SNF8: variants seen among roughly 807,000 people sequenced by gnomAD.
SNF8 encodes the protein vacuolar-sorting protein SNF8.
In SNF8, 19 loss-of-function variants were observed where a neutral mutation model predicts 36.8. The observed-to-expected ratio is 0.52, with a 90% CI of 0.36 to 0.76. The LOEUF (loss-of-function observed/expected upper bound fraction) is 0.76. Ranked by LOEUF, SNF8 falls within the 30% of genes least tolerant of loss-of-function variation. SNF8 has a pLI of 0.00. For synonymous variants in SNF8, 127 were observed against 127.4 expected (o/e 1.00, Z 0.02); for missense variants, 268 against 322.9 (o/e 0.83, Z 1.30).
chr17:48,941,188 T>C (rs2041018245), intron 2 of SNF8, 126 bp from the exon 3 acceptor site: 2 of 1,046,490 alleles, frequency 1.9e-6, no homozygotes, highest in African/African-American at 3.2e-5. Context: ...CCTACCATTA[T>C]GCTGTTTACC....
At chr17:48,944,058 C>T in intron 1 of SNF8, 83 bp from the exon 2 acceptor site, 7 of 1,316,914 alleles carry the variant, frequency 5.3e-6, no homozygotes, top group Non-Finnish European at 7.6e-6. Context: ...AATCCCAGAA[C>T]TTTGGGACGC....
At chr17:48,939,272 A>G (rs1425041194) in intron 3 of SNF8, among the ~76,000 whole-genome samples, 2 of 150,726 alleles carry the variant, frequency 1.3e-5, no homozygotes, top group African/African-American at 4.9e-5. Context: ...CTCAAGAAAA[A>G]AAAAAAAAAA....
At chr17:48,937,242 T>C (rs1318436080) in intron 3 of SNF8, 118 bp from the exon 4 acceptor site, 2 of 815,164 alleles carry the variant, frequency 2.5e-6, no homozygotes, top group South Asian at 2.8e-5. Flanking sequence ...CATGAAGTTC[T>C]TCTGCTCCAT....
At chr17:48,940,156 C>T (rs1011678127) in intron 3 of SNF8, among the ~76,000 whole-genome samples, 2 of 151,106 alleles carry the variant, frequency 1.3e-5, no homozygotes. Flanking sequence ...ATCCTCCCAC[C>T]TTAGCCTCCC....
At position 48,944,710 on chromosome 17, in the gene SNF8, C is replaced by T; in HGVS notation, c.25G>A (p.Gly9Ser). The change falls in exon 1 of 8, where the codon GGC (glycine) becomes AGC (serine). Residue 9 changes from glycine (G) to serine (S), a missense_variant. Transcript: ENST00000502492. ...GCAAGTTTCTTCTTGGCGATGGCGC[C>T]AGCTCCCACCCCGCGGCGGTGCATC... MHRRGVGAGAIAKKKLAEA... is the reference protein window; with the variant it reads MHRRGVGASAIAKKKLAEA... 1 of 1,611,748 alleles carries T rather than the reference C, an allele frequency of 6.2e-7. No individual in the cohort carries two copies. Among genetic ancestry groups the T allele is most frequent in the Non-Finnish European group, 8.5e-7 (1 of 1,179,162 alleles).
chr17:48,931,827 A>C, intron 6 of SNF8, 110 bp from the exon 7 acceptor site: 1 of 765,348 alleles, frequency 1.3e-6, no homozygotes, highest in Non-Finnish European at 2.2e-6. Flanking sequence ...AAAGCTGTCA[A>C]GCATGAGAGA....
In SNF8 at chr17:48,930,341, C is replaced by T; in HGVS notation, c.*134G>A. On this transcript the variant is annotated 3_prime_UTR_variant, in exon 8 of 8. Transcript: ENST00000502492. ...AAAAATGCAACGTGAAGGCACTTTT[C>T]AAAAATAAAAGAATGAGGGAAGAAA... The T allele has an allele frequency of 9.1e-7, 1 of 1,099,518 alleles. No individual in the cohort carries two copies. Among genetic ancestry groups the T allele is most frequent in the South Asian group, 2.3e-5 (1 of 44,252 alleles). The allele number at this position is 1,099,518 out of a possible 1,614,324, so 68.1% of individuals were successfully genotyped here.
chr17:48,932,468 C>T (rs890881646), intron 6 of SNF8: 2 of 152,176 alleles, frequency 1.3e-5, no homozygotes, highest in Non-Finnish European at 2.9e-5. Flanking sequence ...GAAACTGGGC[C>T]GGGTGCGGTG....
Position 48,933,352 on chromosome 17 carries a change from GTAAGGAAGAGTTGCT to G in SNF8, c.423-21_423-7del. 1 of 1,614,130 alleles carries G rather than the reference GTAAGGAAGAGTTGCT, an allele frequency of 6.2e-7. No individual in the cohort carries two copies. The highest frequency in any genetic ancestry group is 8.5e-7 in the Non-Finnish European group (1 of 1,179,984). ...TGGCTCTGATCAGGTCATCTCTGAG[GTAAGGAAGAGTTGCT>G]TAACGACCCTTGGCAGAATCAGACC... On this transcript the variant is annotated splice_polypyrimidine_tract_variant and splice_region_variant and intron_variant, in intron 5 of 7. Coordinates refer to ENST00000502492, the MANE Select transcript of SNF8 (RefSeq NM_007241.4).
chr17:48,939,480 G>T (rs78127199), intron 3 of SNF8, among the ~76,000 whole-genome samples: 1 of 146,118 alleles, frequency 6.8e-6, no homozygotes, highest in Non-Finnish European at 1.5e-5. Flanking sequence ...TTTTTGGGGG[G>T]ATGGAGTCTC....
In SNF8 at chr17:48,933,121, T is replaced by C. The variant is rs575178513; in HGVS notation, c.564+84A>G. The C allele has an allele frequency of 2.8e-5, 41 of 1,488,384 alleles. No homozygotes were observed. In the South Asian group the frequency reaches 4.8e-4, roughly 18 times the overall value. The allele number at this position is 1,488,384 out of a possible 1,614,324, so 92.2% of individuals were successfully genotyped here. ...TAGTCTCAGCAAAAGACCTGCATAA[T>C]GGGGAGCACGAGCTGAGAACTGCTC... is the stretch of plus-strand genomic sequence containing the variant. On this transcript the variant is annotated intron_variant, in intron 6 of 7. Transcript: ENST00000502492.
chr17:48,935,537 C>T (rs547373747), intron 5 of SNF8, among the ~76,000 whole-genome samples: 230 of 149,842 alleles, frequency 1.5e-3, no homozygotes, highest in Middle Eastern at 3.4e-3. Context: ...AAAAATTAGC[C>T]GGGCATGGTG....
rs571836866 is a variant in SNF8, at chr17:48,933,442, T to C, written c.423-96A>G. On this transcript the variant is annotated intron_variant, in intron 5 of 7. Transcript: ENST00000502492. ...CTGGGCAGGATACTGACAGAAAATT[T>C]AGAAGACTGCACAACTGCCAGGCGC... 158 of 1,387,638 alleles carry C rather than the reference T, an allele frequency of 1.1e-4. 1 individual carries two copies. The African/African-American group carries it at 1.7e-3, about 15-fold the overall frequency. The allele number at this position is 1,387,638 out of a possible 1,614,324, so 86.0% of individuals were successfully genotyped here.
At chr17:48,936,130 C>T (rs1567786415) in intron 5 of SNF8, 40 bp downstream of exon 5, 2 of 1,462,028 alleles carry the variant, frequency 1.4e-6, no homozygotes, top group South Asian at 1.1e-5. Context: ...ATTTTAAAGA[C>T]CTCTTTCTGT....
intron 2 of SNF8, among the ~76,000 whole-genome samples, chr17:48,941,511 C>A (rs562441348): frequency 2.6e-5 from 4 of 152,144 alleles, no homozygotes; most frequent in East Asian, 1.9e-4. Context: ...TCTTTACCCC[C>A]CCCAGCCGAC....
At chr17:48,934,092 AAC>A (rs2040899610) in intron 5 of SNF8, among the ~76,000 whole-genome samples, 1 of 152,320 alleles carries the variant, frequency 6.6e-6, no homozygotes, top group Admixed American at 6.5e-5. Flanking sequence ...AAACCTACAA[AAC>A]AGTGTGTAGA....
intron 1 of SNF8, 79 bp downstream of exon 1, chr17:48,944,602 C>T (rs2041076971): frequency 1.4e-6 from 2 of 1,466,162 alleles, no homozygotes; most frequent in African/African-American, 1.4e-5. Context: ...AGGTGATTAA[C>T]GGGTAGGACA....
In SNF8 at chr17:48,942,458, C is replaced by T. The variant is rs75914961; in HGVS notation, c.106-1396G>A. Among the ~76,000 whole-genome samples the T allele has an allele frequency of 1.8e-3, 276 of 152,162 alleles. 2 individuals carry two copies. In the East Asian group the frequency reaches 0.026, roughly 14 times the overall value. On this transcript the variant is annotated intron_variant, in intron 2 of 7. Coordinates refer to ENST00000502492, the MANE Select transcript of SNF8 (RefSeq NM_007241.4). Reference sequence around the variant, plus strand: ...GCACAGCCTGGGTTTACTATTTTTCCTCAGCTCACAGCCCCATTTTCCTGC... The same window carrying T: ...GCACAGCCTGGGTTTACTATTTTTCTTCAGCTCACAGCCCCATTTTCCTGC...
At chr17:48,933,026 T>C (rs2040882256) in intron 6 of SNF8, 179 bp downstream of exon 6, 1 of 585,010 alleles carries the variant, frequency 1.7e-6, no homozygotes, top group Non-Finnish European at 2.9e-6. Context: ...CCTGGCCCAG[T>C]GCTTTGCACT....
Sources: allele counts gnomAD v4.1 joint callset (sites outside exome capture counted in the v4.1 genomes callset), GRCh38; gene constraint gnomAD v4.1.1; transcripts MANE v1.5; gene names NCBI Gene and HGNC (gene_info 2026-07-23, HGNC 2026-07-21).